The following LRP1B variants were observed in gnomAD, a reference collection of about 807,000 sequenced individuals.
LRP1B encodes the protein low-density lipoprotein receptor-related protein 1B.
LRP1B carries 217 observed loss-of-function variants against 556.6 expected under a neutral mutation model. The ratio of observed to expected loss-of-function variants is 0.39; its 90% CI spans 0.35 to 0.44. LRP1B has a LOEUF of 0.44. Ranked by LOEUF, LRP1B falls within the 20% of genes least tolerant of loss-of-function variation. LRP1B has a pLI of 1.00. For missense variants in LRP1B, 5,053 were observed against 5,620.8 expected, an observed-to-expected ratio of 0.90 and a Z score of 3.23; for synonymous variants, 2,047 against 1,865.8, an observed-to-expected ratio of 1.10 and a Z score of -2.50.
chr2:141,856,797 T>A (rs1240628486), intron 1 of LRP1B, among the ~76,000 whole-genome samples: 2 of 152,104 alleles, frequency 1.3e-5, no homozygotes, highest in African/African-American at 2.4e-5. Flanking sequence ...AAATCAGATC[T>A]CGCTCCCCGT....
chr2:140,738,688 G>A (rs1227665843), intron 35 of LRP1B, among the ~76,000 whole-genome samples: 2 of 152,020 alleles, frequency 1.3e-5, no homozygotes, highest in Non-Finnish European at 2.9e-5. Context: ...TCCTCCACAG[G>A]TGTCAGTGTG....
At chr2:140,358,761 T>A (rs1682362297) in intron 73 of LRP1B, 60 bp downstream of exon 73, 1 of 1,569,636 alleles carries the variant, frequency 6.4e-7, no homozygotes, top group African/African-American at 1.4e-5. Flanking sequence ...ATGTTTGTAC[T>A]CCAAGTCATC....
chr2:140,783,689 A>C (rs1689782588), intron 32 of LRP1B, among the ~76,000 whole-genome samples: 1 of 152,152 alleles, frequency 6.6e-6, no homozygotes, highest in Admixed American at 6.6e-5. Flanking sequence ...GGGCCTTAAA[A>C]TGTCTAAAAA....
intron 3 of LRP1B, among the ~76,000 whole-genome samples, chr2:141,267,435 G>T (rs1465712150): frequency 6.6e-6 from 1 of 152,142 alleles, no homozygotes; most frequent in Non-Finnish European, 1.5e-5. Flanking sequence ...TGAGATATGA[G>T]CCAGTACAGA....
At chr2:142,102,383 A>G (rs1026731775) in intron 1 of LRP1B, among the ~76,000 whole-genome samples, 2 of 151,836 alleles carry the variant, frequency 1.3e-5, no homozygotes, top group Non-Finnish European at 2.9e-5. Flanking sequence ...TTGAGTTTGT[A>G]TCAGACAAAT....
At chr2:141,450,892 G>A (rs1055688426) in intron 3 of LRP1B, among the ~76,000 whole-genome samples, 3 of 152,204 alleles carry the variant, frequency 2.0e-5, no homozygotes, top group Admixed American at 6.5e-5. Flanking sequence ...CCCTAGGGTC[G>A]AAGTATTTTA....
intron 3 of LRP1B, among the ~76,000 whole-genome samples, chr2:141,416,445 C>G (rs1691104857): frequency 7.6e-6 from 1 of 130,756 alleles, no homozygotes; most frequent in Non-Finnish European, 1.6e-5. Context: ...ATTTGACAGC[C>G]ATTTTTTTTT....
chr2:141,312,334 A>AT (rs1458987430), intron 3 of LRP1B, among the ~76,000 whole-genome samples: 2 of 152,034 alleles, frequency 1.3e-5, no homozygotes, highest in Admixed American at 1.3e-4. Context: ...TGTTAAACAT[A>AT]TTTTTTCTTA....
chr2:141,650,650 G>A (rs34395365), intron 2 of LRP1B, among the ~76,000 whole-genome samples: 12,006 of 152,110 alleles, frequency 0.079, 597 homozygotes, highest in South Asian at 0.15. Context: ...TAATGAGAAC[G>A]TAGTGCAAAA....
At chr2:140,466,973 C>T (rs1949452) in intron 60 of LRP1B, among the ~76,000 whole-genome samples, 9,819 of 152,084 alleles carry the variant, frequency 0.065, 405 homozygotes, top group African/African-American at 0.08. Context: ...CAAAAATAAA[C>T]TTCAGTCAAA....
chr2:140,349,894 T>G (rs1175880421), intron 77 of LRP1B, among the ~76,000 whole-genome samples: 5 of 152,154 alleles, frequency 3.3e-5, no homozygotes. Context: ...AAAACCAGCA[T>G]ATTGCCATCT....
At chr2:140,946,012 G>GA (rs941794613) in intron 20 of LRP1B, among the ~76,000 whole-genome samples, 3 of 151,820 alleles carry the variant, frequency 2.0e-5, no homozygotes, top group African/African-American at 7.3e-5. Flanking sequence ...AAATCAATAA[G>GA]AAAAAAACAA....
At chr2:140,907,514 G>T (rs1468841475) in intron 22 of LRP1B, among the ~76,000 whole-genome samples, 1 of 152,058 alleles carries the variant, frequency 6.6e-6, no homozygotes, top group Non-Finnish European at 1.5e-5. Flanking sequence ...TAGGGTGGTG[G>T]TGAGTTCCAT....
At chr2:141,914,718 C>T (rs912314236) in intron 1 of LRP1B, among the ~76,000 whole-genome samples, 2 of 152,092 alleles carry the variant, frequency 1.3e-5, no homozygotes, top group Non-Finnish European at 2.9e-5. Context: ...AACATTCAAA[C>T]CGAGAGCCAA....
At chr2:140,957,931 CT>C (rs1469355733) in intron 18 of LRP1B, among the ~76,000 whole-genome samples, 1 of 151,456 alleles carries the variant, frequency 6.6e-6, no homozygotes, top group Non-Finnish European at 1.5e-5. Flanking sequence ...AAAAAGTCCC[CT>C]TGAAAATAGA....
At chr2:140,723,603 G>A (rs529362496) in intron 35 of LRP1B, among the ~76,000 whole-genome samples, 1 of 152,276 alleles carries the variant, frequency 6.6e-6, no homozygotes, top group South Asian at 2.1e-4. Flanking sequence ...AGAGTGAGAT[G>A]AACTAAGGAG....
chr2:141,575,408 A>G (rs189600825), intron 2 of LRP1B, among the ~76,000 whole-genome samples: 7 of 152,232 alleles, frequency 4.6e-5, no homozygotes, highest in Admixed American at 1.3e-4. Context: ...GGCAAGCCAT[A>G]TGCAGAAAAC....
chr2:140,289,181 T>C (rs1425647537), intron 84 of LRP1B, among the ~76,000 whole-genome samples: 1 of 151,990 alleles, frequency 6.6e-6, no homozygotes, highest in African/African-American at 2.4e-5. Context: ...AGTTTAATTT[T>C]ATAAACATGC....
intron 1 of LRP1B, among the ~76,000 whole-genome samples, chr2:141,855,269 T>TAA (rs199609059): frequency 6.6e-6 from 1 of 151,044 alleles, no homozygotes; most frequent in African/African-American, 2.4e-5. Context: ...CTGTTGTTCA[T>TAA]AAAAAAAAAC....
Sources: allele counts gnomAD v4.1 joint callset (sites outside exome capture counted in the v4.1 genomes callset), GRCh38; gene constraint gnomAD v4.1.1; transcripts MANE v1.5; gene names NCBI Gene and HGNC (gene_info 2026-07-23, HGNC 2026-07-21).